Variants in COL8A1 observed in about 807,000 individuals in gnomAD.
The protein encoded by COL8A1 is collagen type VIII alpha 1 chain, also known as collagen alpha-1(VIII) chain.
Under a neutral mutation model 42.7 loss-of-function variants are expected in COL8A1, and 21 were observed. The observed-to-expected ratio is 0.49, with a 90% CI of 0.35 to 0.71. The LOEUF is 0.71. Ranked by LOEUF, COL8A1 falls within the 30% of genes least tolerant of loss-of-function variation. The probability of loss-of-function intolerance (pLI) is 0.01; values close to 1 mark genes in which losing one functional copy is unlikely to be tolerated. For synonymous variants in COL8A1, 367 were observed against 369.1 expected (o/e 0.99, Z 0.06); for missense variants, 788 against 962.4 (o/e 0.82, Z 2.40).
chr3:99,791,878 A>G (rs1272173207), intron 3 of COL8A1, among the ~76,000 whole-genome samples: 3 of 152,218 alleles, frequency 2.0e-5, no homozygotes, highest in Non-Finnish European at 2.9e-5. Flanking sequence ...ATTTTTCTTC[A>G]TTTGTAAAAT....
intron 1 of COL8A1, among the ~76,000 whole-genome samples, chr3:99,684,173 A>G (rs1339889737): frequency 6.6e-6 from 1 of 152,170 alleles, no homozygotes; most frequent in Non-Finnish European, 1.5e-5. Context: ...TCAAATTTAG[A>G]GCATGAATTT....
chr3:99,686,745 G>A (rs552159759), intron 1 of COL8A1, among the ~76,000 whole-genome samples: 11 of 152,248 alleles, frequency 7.2e-5, no homozygotes, highest in South Asian at 2.1e-4. Flanking sequence ...CGTGATCACA[G>A]CTCACTGTGG....
intron 2 of COL8A1, among the ~76,000 whole-genome samples, chr3:99,750,950 G>T (rs1259637407): frequency 6.6e-6 from 1 of 152,132 alleles, no homozygotes; most frequent in African/African-American, 2.4e-5. Flanking sequence ...CTTATGATTG[G>T]CTCCTAAGTG....
At chr3:99,724,517 T>A (rs930560804) in intron 1 of COL8A1, among the ~76,000 whole-genome samples, 1 of 152,006 alleles carries the variant, frequency 6.6e-6, no homozygotes, top group African/African-American at 2.4e-5. Context: ...CAGTAACTTG[T>A]TTTTCTTATT....
intron 2 of COL8A1, among the ~76,000 whole-genome samples, chr3:99,765,049 T>C (rs960784287): frequency 2.0e-5 from 3 of 152,118 alleles, no homozygotes; most frequent in African/African-American, 2.4e-5. Context: ...TTATTAATAA[T>C]AATAGTTAAC....
At chr3:99,667,368 A>G (rs1160693176) in intron 1 of COL8A1, among the ~76,000 whole-genome samples, 1 of 152,230 alleles carries the variant, frequency 6.6e-6, no homozygotes, top group Non-Finnish European at 1.5e-5. Flanking sequence ...AATAAAAGAA[A>G]TATCAGGAAG....
At chr3:99,786,290 C>T (rs1941894304) in intron 2 of COL8A1, among the ~76,000 whole-genome samples, 1 of 152,060 alleles carries the variant, frequency 6.6e-6, no homozygotes, top group South Asian at 2.1e-4. Context: ...AATATGACAC[C>T]CCCCTCCGAA....
intron 2 of COL8A1, among the ~76,000 whole-genome samples, chr3:99,765,894 C>T (rs1941455659): frequency 6.6e-6 from 1 of 152,118 alleles, no homozygotes; most frequent in South Asian, 2.1e-4. Flanking sequence ...GTACTAAATA[C>T]CATTCAATGC....
chr3:99,674,266 C>T (rs897707612), intron 1 of COL8A1, among the ~76,000 whole-genome samples: 6 of 151,892 alleles, frequency 4.0e-5, no homozygotes, highest in Admixed American at 3.9e-4. Flanking sequence ...CCAGAGTGTG[C>T]CTTCATACCT....
chr3:99,770,165 G>C (rs947122716), intron 2 of COL8A1, among the ~76,000 whole-genome samples: 13 of 152,162 alleles, frequency 8.5e-5, no homozygotes, highest in African/African-American at 3.1e-4. Context: ...AGGCCTGTTT[G>C]TTCAGATTCT....
intron 2 of COL8A1, among the ~76,000 whole-genome samples, chr3:99,768,745 C>T (rs1466989781): frequency 6.6e-6 from 1 of 152,204 alleles, no homozygotes; most frequent in African/African-American, 2.4e-5. Context: ...TCTAACTCTA[C>T]CGGAGGTCTT....
In COL8A1 at chr3:99,795,049, C is replaced by G; in HGVS notation, c.1148C>G (p.Pro383Arg). Residue 383 changes from proline (P) to arginine (R), a missense_variant, in exon 4 of 4, where the codon CCA becomes CGA. By Grantham distance (103) the Pro-to-Arg change is moderately radical (BLOSUM62 -2). Transcript: ENST00000652472. ...GGGGAGAAAGGACCAATAGGTGCCC[C>G]AGGAATAGGGGGTCCTCCAGGAGAG... Reference protein sequence around the residue: ...PRGEKGPIGAPGIGGPPGEPG... With the variant: ...PRGEKGPIGARGIGGPPGEPG... 1 of 1,608,792 alleles carries G rather than the reference C, an allele frequency of 6.2e-7. No individual in the cohort carries two copies. Among genetic ancestry groups the G allele is most frequent in the Non-Finnish European group, 8.5e-7 (1 of 1,177,666 alleles).
chr3:99,720,480 A>G (rs1277028855), intron 1 of COL8A1, among the ~76,000 whole-genome samples: 1 of 152,064 alleles, frequency 6.6e-6, no homozygotes, highest in East Asian at 1.9e-4. Context: ...GTAACTTCCT[A>G]TATGGTTAGA....
chr3:99,792,579 T>C (rs145675641), intron 3 of COL8A1, among the ~76,000 whole-genome samples: 75 of 152,272 alleles, frequency 4.9e-4, no homozygotes, highest in African/African-American at 1.7e-3. Flanking sequence ...TTCTCTAATC[T>C]TGTAGTGTGG....
At chr3:99,707,180 G>C (rs550620200) in intron 1 of COL8A1, 1 of 152,196 alleles carries the variant, frequency 6.6e-6, no homozygotes. Flanking sequence ...GTAAGGCCCC[G>C]GTCTCTCTAG....
chr3:99,711,850 A>G (rs1939843581), intron 1 of COL8A1, among the ~76,000 whole-genome samples: 1 of 152,142 alleles, frequency 6.6e-6, no homozygotes, highest in Non-Finnish European at 1.5e-5. Context: ...CATAGGGATA[A>G]TATTTTCTAC....
rs543950523 is a variant in COL8A1 at position 99,711,056 on chromosome 3, G to C, written c.-128-33841G>C. On this transcript the variant is annotated intron_variant, in intron 1 of 3. Transcript: ENST00000652472. ...CTCAAACTATAAATGGTGGAGGAGAGGGTCTTGAAAAAACTATCACTATAG... is the reference window on the plus strand; with the variant it reads ...CTCAAACTATAAATGGTGGAGGAGACGGTCTTGAAAAAACTATCACTATAG... Among the ~76,000 whole-genome samples, 11 of 152,240 alleles carry C rather than the reference G, an allele frequency of 7.2e-5. No homozygotes were observed. In the East Asian group the frequency reaches 2.1e-3, roughly 29 times the overall value.
chr3:99,789,471 G>A (rs180978390), intron 2 of COL8A1, among the ~76,000 whole-genome samples: 456 of 152,192 alleles, frequency 3.0e-3, no homozygotes, highest in Non-Finnish European at 4.7e-3. Context: ...CATGGAGTTC[G>A]TGTATGCCCA....
intron 1 of COL8A1, among the ~76,000 whole-genome samples, chr3:99,662,450 A>G (rs1938237441): frequency 6.6e-6 from 1 of 152,188 alleles, no homozygotes; most frequent in Non-Finnish European, 1.5e-5. Context: ...AAAACATGCA[A>G]GTCTTTCAAA....
Sources: allele counts gnomAD v4.1 joint callset (sites outside exome capture counted in the v4.1 genomes callset), GRCh38; gene constraint gnomAD v4.1.1; transcripts MANE v1.5; gene names NCBI Gene and HGNC (gene_info 2026-07-23, HGNC 2026-07-21).